KDM2A: variants seen among roughly 807,000 people sequenced by gnomAD.
KDM2A encodes lysine-specific demethylase 2A.
A neutral mutation model predicts 137.3 loss-of-function variants in KDM2A; 3 were observed. The ratio of observed to expected loss-of-function variants is 0.02; its 90% CI spans 0.01 to 0.06. KDM2A has a LOEUF of 0.06. Ranked by LOEUF, KDM2A falls within the 10% of genes least tolerant of loss-of-function variation. The probability of loss-of-function intolerance (pLI) is 1.00; values close to 1 mark genes in which losing one functional copy is unlikely to be tolerated. For missense variants in KDM2A, 738 were observed against 1,510.6 expected (o/e 0.49, Z 8.48); for synonymous variants, 512 against 541.5 (o/e 0.95, Z 0.76).
Position 67,252,746 on chromosome 11 carries a change from A to G in KDM2A, c.2821A>G (p.Ile941Val), listed in dbSNP as rs184718586. The change falls in exon 18 of 21, where the codon ATT (isoleucine) becomes GTT (valine). Residue 941 changes from isoleucine to valine, a missense_variant. Around this residue, in one of 9 missense-constraint regions of KDM2A, gnomAD observed 166 missense variants for 324.0 expected, o/e 0.51. Coordinates refer to ENST00000529006, the MANE Select transcript of KDM2A (RefSeq NM_012308.3). ...AATTGACTTGAGTAGGTGTAAGGCC[A>G]TTGTGCCCCAGGCCCTCAGTGGCAT... ...TKIDLSRCKA[I>V]VPQALSGIIK... The G allele has an allele frequency of 4.9e-5, 79 of 1,613,988 alleles. No individual in the cohort carries two copies. In the African/African-American group the frequency reaches 9.1e-4, roughly 19 times the overall value.
intron 2 of KDM2A, 120 bp downstream of exon 2, chr11:67,121,478 C>T: frequency 2.3e-6 from 2 of 883,876 alleles, no homozygotes; most frequent in South Asian, 3.0e-5. Context: ...TTTCTGTGCA[C>T]CAGAGGAGGG....
At chr11:67,156,311 G>A (rs1476503314) in intron 2 of KDM2A, among the ~76,000 whole-genome samples, 1 of 151,776 alleles carries the variant, frequency 6.6e-6, no homozygotes, top group Non-Finnish European at 1.5e-5. Context: ...TTGGCTGGGC[G>A]CAGTGGCTCA....
chr11:67,130,336 G>T (rs1855825584), intron 2 of KDM2A, among the ~76,000 whole-genome samples: 1 of 151,998 alleles, frequency 6.6e-6, no homozygotes, highest in Non-Finnish European at 1.5e-5. Flanking sequence ...GTAGAGACAG[G>T]GTTTCACCAT....
intron 2 of KDM2A, among the ~76,000 whole-genome samples, chr11:67,148,238 A>G (rs1486787897): frequency 6.6e-6 from 1 of 151,344 alleles, no homozygotes; most frequent in African/African-American, 2.4e-5. Context: ...CCTGGACAAC[A>G]TTGCAAGACC....
At chr11:67,214,425 C>T (rs962953902) in intron 6 of KDM2A, among the ~76,000 whole-genome samples, 2 of 152,010 alleles carry the variant, frequency 1.3e-5, no homozygotes, top group Non-Finnish European at 1.5e-5. Flanking sequence ...AAGATGGTCT[C>T]GATCTCCTGA....
At chr11:67,199,104 T>C (rs1338113212) in intron 5 of KDM2A, among the ~76,000 whole-genome samples, 2 of 152,138 alleles carry the variant, frequency 1.3e-5, no homozygotes, top group Non-Finnish European at 2.9e-5. Context: ...GACATTACTA[T>C]TATACTTGTT....
intron 13 of KDM2A, among the ~76,000 whole-genome samples, chr11:67,244,223 A>G (rs1317418607): frequency 6.6e-6 from 1 of 152,222 alleles, no homozygotes; most frequent in African/African-American, 2.4e-5. Flanking sequence ...AGTGTTTAAG[A>G]TATGGTAAGA....
chr11:67,240,168 C>G, intron 12 of KDM2A: 1 of 1,499,788 alleles, frequency 6.7e-7, no homozygotes, highest in Non-Finnish European at 8.9e-7. Flanking sequence ...GCTGCTCCCT[C>G]TGGGTAGTCT....
At chr11:67,160,274 C>T (rs1038071257) in intron 2 of KDM2A, among the ~76,000 whole-genome samples, 1 of 152,172 alleles carries the variant, frequency 6.6e-6, no homozygotes, top group Non-Finnish European at 1.5e-5. Context: ...ATTGATGTCT[C>T]TGGGTATGCT....
At chr11:67,126,550 A>C (rs185833980) in intron 2 of KDM2A, among the ~76,000 whole-genome samples, 250 of 152,012 alleles carry the variant, frequency 1.6e-3, no homozygotes, top group African/African-American at 5.7e-3. Context: ...TCTACTAAAA[A>C]TACAAAAATT....
chr11:67,233,364 C>CA (rs34329359), intron 12 of KDM2A, among the ~76,000 whole-genome samples: 8 of 145,180 alleles, frequency 5.5e-5, no homozygotes, highest in Non-Finnish European at 7.5e-5. Context: ...ACTAAAAATA[C>CA]AAAAAAAGGC....
chr11:67,209,618 A>G (rs1159169150), intron 6 of KDM2A, among the ~76,000 whole-genome samples: 1 of 150,684 alleles, frequency 6.6e-6, no homozygotes. Context: ...TAATTTTTGT[A>G]TTTTTAGTAG....
intron 10 of KDM2A, among the ~76,000 whole-genome samples, chr11:67,221,835 T>C (rs1319084755): frequency 6.6e-6 from 1 of 151,784 alleles, no homozygotes; most frequent in African/African-American, 2.4e-5. Context: ...CTGGGGAGGC[T>C]GAGGTGAGAG....
At chr11:67,197,626 G>T (rs1292192338) in intron 5 of KDM2A, among the ~76,000 whole-genome samples, 2 of 152,206 alleles carry the variant, frequency 1.3e-5, no homozygotes, top group Non-Finnish European at 2.9e-5. Flanking sequence ...GTCAGTTTAT[G>T]TCTCAGAAAG....
At chr11:67,162,659 G>A (rs1336487955) in intron 2 of KDM2A, among the ~76,000 whole-genome samples, 3 of 152,084 alleles carry the variant, frequency 2.0e-5, no homozygotes, top group Admixed American at 2.0e-4. Flanking sequence ...GCCCGCCTCG[G>A]CCTCCCAAAG....
Position 67,250,808 on chromosome 11 carries a change from G to T in KDM2A, c.2768+10G>T. Reference sequence around the variant, plus strand: ...AGACGTGGTATAAATGGTGAGCAGGGATTCAGGGGGTCAGGAATTAGGGGT... The same window carrying T: ...AGACGTGGTATAAATGGTGAGCAGGTATTCAGGGGGTCAGGAATTAGGGGT... On this transcript the variant is annotated intron_variant, in intron 17 of 20. Coordinates refer to ENST00000529006, the MANE Select transcript of KDM2A (RefSeq NM_012308.3). The surrounding 1 kb of genome is among the most constrained non-coding windows in gnomAD (Gnocchi z 7.1). The T allele has an allele frequency of 6.6e-7, 1 of 1,514,810 alleles. No homozygotes were observed. The highest frequency in any genetic ancestry group is 1.3e-5 in the South Asian group (1 of 75,472). The allele number at this position is 1,514,810 out of a possible 1,614,324, so 93.8% of individuals were successfully genotyped here.
rs768959966 is a variant in KDM2A, at chr11:67,219,379, A to T, written c.933A>T (p.Ile311=). 1.9e-6 allele frequency: 3 copies of T among 1,605,712 alleles called. No individual in the cohort carries two copies. The Admixed American group carries it at 5.1e-5, about 27-fold the overall frequency. The change falls in exon 10 of 21, where the codon ATA becomes ATT. Residue 311 remains isoleucine (I), a synonymous_variant. Transcript: ENST00000529006. ...TCAACATCCCTATGCAGTTAAAAATATACAACATTGAAGATCGGACACGGG... is the reference window on the plus strand; with the variant it reads ...TCAACATCCCTATGCAGTTAAAAATTTACAACATTGAAGATCGGACACGGG... ...HSFNIPMQLK[I]YNIEDRTRVP... is the part of the protein sequence containing the mutation.
Position 67,207,607 on chromosome 11 carries a change from G to A in KDM2A, c.405G>A (p.Glu135=). 1.2e-6 allele frequency: 2 copies of A among 1,613,822 alleles called. No individual in the cohort carries two copies. The highest frequency in any genetic ancestry group is 1.1e-5 in the South Asian group (1 of 91,058). ...QWTRYYETPE[E]EREKLYNVIS... is the part of the protein sequence containing the mutation. The stretch of plus-strand genomic sequence containing the variant: ...CACGCTACTATGAGACCCCAGAGGA[G>A]GAGCGAGAGAAACTCTATAATGTCA... The change falls in exon 6 of 21, where the codon GAG becomes GAA. Residue 135 remains glutamate (E), a synonymous_variant. Coordinates refer to ENST00000529006, the MANE Select transcript of KDM2A (RefSeq NM_012308.3).
intron 5 of KDM2A, among the ~76,000 whole-genome samples, chr11:67,205,962 A>G (rs1184798095): frequency 6.6e-6 from 1 of 152,192 alleles, no homozygotes; most frequent in East Asian, 1.9e-4. Context: ...TAATAAAAAT[A>G]TGATACTTCC....
Sources: gnomAD v4.1 joint callset for allele counts (sites outside exome capture counted in the v4.1 genomes callset) on GRCh38, gnomAD v4.1.1 for gene constraint, gnomAD v4.1.1 regional missense constraint, Gnocchi (gnomAD v3.1) non-coding constraint, MANE v1.5 for transcripts, NCBI Gene and HGNC (gene_info 2026-07-23, HGNC 2026-07-21) for gene names.